The following SOX5 variants were observed in gnomAD, a reference collection of about 807,000 sequenced individuals.
SOX5 encodes SRY-box transcription factor 5.
In SOX5, 9 loss-of-function variants were observed where a neutral mutation model predicts 92.0. The observed-to-expected ratio is 0.10, with a 90% CI of 0.06 to 0.17. SOX5 has a LOEUF of 0.17. Ranked by LOEUF, SOX5 falls within the 10% of genes least tolerant of loss-of-function variation. SOX5 has a pLI of 1.00. For missense variants in SOX5, 642 were observed against 944.5 expected, an observed-to-expected ratio of 0.68 and a Z score of 4.20; for synonymous variants, 344 against 336.3, an observed-to-expected ratio of 1.02 and a Z score of -0.25.
At chr12:23,829,307 C>G (rs1163327306) in intron 3 of SOX5, among the ~76,000 whole-genome samples, 4 of 152,128 alleles carry the variant, frequency 2.6e-5, no homozygotes, top group African/African-American at 4.8e-5. Flanking sequence ...CATGCACGCA[C>G]AGACACACAA....
intron 1 of SOX5, among the ~76,000 whole-genome samples, chr12:24,555,232 G>T (rs146728543): frequency 6.6e-6 from 1 of 152,196 alleles, no homozygotes; most frequent in African/African-American, 2.4e-5. Context: ...CCAGTGCGTT[G>T]CTACTCAACT....
At chr12:24,257,559 A>AC (rs1403131442) in intron 3 of SOX5, among the ~76,000 whole-genome samples, 1 of 151,922 alleles carries the variant, frequency 6.6e-6, no homozygotes, top group Non-Finnish European at 1.5e-5. Context: ...ACCTCTGCCT[A>AC]CCAGGTTCAA....
At chr12:24,061,552 C>T (rs1498880) in intron 4 of SOX5, among the ~76,000 whole-genome samples, 151,667 of 152,244 alleles carry the variant, frequency 1, 75,547 homozygotes, top group Middle Eastern at 1. Context: ...ATACCAATGA[C>T]AACGTTTGCA....
Position 24,545,506 on chromosome 12 carries a change from CA to C in SOX5, c.-251+16822del, listed in dbSNP as rs956662791. ...AAGGGGTTTAAAAAGGTTTTCTTCTCAAAAAAAAAAATCGACAGATTTTCAA... is the reference window on the plus strand; with the variant it reads ...AAGGGGTTTAAAAAGGTTTTCTTCTCAAAAAAAAAATCGACAGATTTTCAA... On this transcript the variant is annotated intron_variant, in intron 1 of 4. Transcript: ENST00000446891. 3.0e-3 allele frequency among the ~76,000 whole-genome samples: 431 copies of C among 143,222 alleles called. 3 individuals are homozygous for C. The highest frequency in any genetic ancestry group is 7.9e-3 in the African/African-American group (300 of 38,160). The allele number at this position is 143,222 out of a possible 152,430, so 94.0% of individuals were successfully genotyped here.
chr12:23,583,323 A>C (rs897053655), intron 9 of SOX5, among the ~76,000 whole-genome samples: 1 of 152,120 alleles, frequency 6.6e-6, no homozygotes, highest in African/African-American at 2.4e-5. Context: ...ATTTACCAAG[A>C]AGAATGTCAT....
chr12:24,270,687 C>T (rs529537953), intron 3 of SOX5, among the ~76,000 whole-genome samples: 4 of 152,146 alleles, frequency 2.6e-5, no homozygotes, highest in East Asian at 3.9e-4. Context: ...TTTCCTCATT[C>T]GTAGATATCA....
At chr12:23,880,682 C>A (rs954554500) in intron 2 of SOX5, among the ~76,000 whole-genome samples, 3 of 152,182 alleles carry the variant, frequency 2.0e-5, no homozygotes, top group African/African-American at 7.2e-5. Flanking sequence ...ATATAAGGCA[C>A]AACCCCCTTT....
At chr12:24,322,854 T>A (rs750002997) in intron 2 of SOX5, among the ~76,000 whole-genome samples, 1 of 152,116 alleles carries the variant, frequency 6.6e-6, no homozygotes, top group Non-Finnish European at 1.5e-5. Context: ...GTTTTTTAAA[T>A]AATCTCCCAA....
At chr12:24,417,253 C>T (rs1965176741) in intron 1 of SOX5, among the ~76,000 whole-genome samples, 1 of 152,180 alleles carries the variant, frequency 6.6e-6, no homozygotes, top group Non-Finnish European at 1.5e-5. Flanking sequence ...CCAGTGTTAC[C>T]ACAAGAGTCC....
At chr12:23,829,630 A>G (rs924946951) in intron 3 of SOX5, among the ~76,000 whole-genome samples, 1 of 152,182 alleles carries the variant, frequency 6.6e-6, no homozygotes, top group Non-Finnish European at 1.5e-5. Flanking sequence ...AAGGACAAGA[A>G]AACAGGTACA....
intron 4 of SOX5, among the ~76,000 whole-genome samples, chr12:23,989,854 T>G (rs1462820188): frequency 6.6e-6 from 1 of 152,136 alleles, no homozygotes; most frequent in Non-Finnish European, 1.5e-5. Context: ...CTACCCAGTT[T>G]CTGGGAGTTT....
intron 2 of SOX5, among the ~76,000 whole-genome samples, chr12:24,285,285 A>AG (rs1945728917): frequency 6.6e-6 from 1 of 151,438 alleles, no homozygotes; most frequent in Admixed American, 6.6e-5. Flanking sequence ...TGAAGTATTA[A>AG]CAGGTCAAGA....
intron 1 of SOX5, among the ~76,000 whole-genome samples, chr12:24,400,569 T>A (rs904616920): frequency 6.6e-6 from 1 of 152,220 alleles, no homozygotes; most frequent in African/African-American, 2.4e-5. Flanking sequence ...ACATTCAAAA[T>A]TATTCCAATG....
intron 1 of SOX5, among the ~76,000 whole-genome samples, chr12:23,931,470 A>T (rs1261552396): frequency 1.3e-5 from 2 of 151,878 alleles, no homozygotes; most frequent in African/African-American, 4.8e-5. Flanking sequence ...GGCAATTTTC[A>T]AATTGATAAC....
chr12:23,615,757 T>A (rs2076481485), intron 8 of SOX5, among the ~76,000 whole-genome samples: 1 of 152,226 alleles, frequency 6.6e-6, no homozygotes, highest in African/African-American at 2.4e-5. Flanking sequence ...TCTTTAGGTA[T>A]ATGCCCAATA....
At chr12:24,402,804 A>G (rs1962063321) in intron 1 of SOX5, among the ~76,000 whole-genome samples, 1 of 152,204 alleles carries the variant, frequency 6.6e-6, no homozygotes, top group South Asian at 2.1e-4. Context: ...GGTCCCTACT[A>G]AAATACTGCT....
At position 23,612,333 on chromosome 12, in the gene SOX5, T is replaced by C. The variant is rs536213842; in HGVS notation, c.1018-7800A>G. 3.3e-5 allele frequency among the ~76,000 whole-genome samples: 5 copies of C among 152,274 alleles called. No individual in the cohort carries two copies. The East Asian group carries it at 9.6e-4, about 29-fold the overall frequency. ...GAGATTTTTAAGTATTTTATTAAAA[T>C]GTGACCAATGAGATTGTTTAGTTCA... On this transcript the variant is annotated intron_variant, in intron 8 of 14. Coordinates refer to ENST00000451604, the MANE Select transcript of SOX5 (RefSeq NM_006940.6).
intron 9 of SOX5, among the ~76,000 whole-genome samples, chr12:23,592,726 A>T (rs1951740194): frequency 6.6e-6 from 1 of 152,172 alleles, no homozygotes; most frequent in African/African-American, 2.4e-5. Flanking sequence ...CAATGAGCAA[A>T]ATTCTTATTT....
chr12:23,818,004 T>C (rs1280883878), intron 3 of SOX5, among the ~76,000 whole-genome samples: 2 of 152,216 alleles, frequency 1.3e-5, no homozygotes, highest in African/African-American at 4.8e-5. Flanking sequence ...AAGGAGATAT[T>C]GACTCCTTCT....
Sources: gnomAD v4.1 joint callset for allele counts (sites outside exome capture counted in the v4.1 genomes callset) on GRCh38, gnomAD v4.1.1 for gene constraint, MANE v1.5 for transcripts, NCBI Gene and HGNC (gene_info 2026-07-23, HGNC 2026-07-21) for gene names.